Variants in OPN1SW observed in about 807,000 individuals in gnomAD.
OPN1SW encodes the protein short-wave-sensitive opsin 1.
Under a neutral mutation model 31.9 loss-of-function variants are expected in OPN1SW, and 25 were observed. That is an observed-to-expected ratio of 0.78 (90% CI 0.57 to 1.09). The LOEUF (loss-of-function observed/expected upper bound fraction) is 1.09. Ranked by LOEUF, OPN1SW falls within the 50% of genes least tolerant of loss-of-function variation. The probability of loss-of-function intolerance (pLI) is 0.00; values close to 1 mark genes in which losing one functional copy is unlikely to be tolerated. For missense variants in OPN1SW, 424 were observed against 448.0 expected, an observed-to-expected ratio of 0.95 and a Z score of 0.48; for synonymous variants, 190 against 171.9, an observed-to-expected ratio of 1.11 and a Z score of -0.82.
At position 128,773,708 on chromosome 7, in the gene OPN1SW, A is replaced by T. The variant is rs907485626; in HGVS notation, c.859T>A (p.Phe287Ile). The T allele has an allele frequency of 1.2e-6, 2 of 1,614,260 alleles. No homozygotes were observed. The highest frequency in any genetic ancestry group is 1.7e-6 in the Non-Finnish European group (2 of 1,180,048). The part of the protein sequence containing the change: ...LDLRLVTIPS[F>I]FSKSACIYNP... ...TAGATGCAAGCACTCTTGGAGAAGA[A>T]TGAAGGAATGGTGACAAGCCGTAAG... Residue 287 changes from phenylalanine (F) to isoleucine (I), a missense_variant, in exon 4 of 5, where the codon TTC becomes ATC. Physicochemically the swap from Phe to Ile is conservative, Grantham distance 21. Transcript: ENST00000249389.
Position 128,773,892 on chromosome 7 carries a change from G to A in OPN1SW, c.679-4C>T. The A allele has an allele frequency of 6.2e-7, 1 of 1,609,626 alleles. No homozygotes were observed. The highest frequency in any genetic ancestry group is 8.5e-7 in the Non-Finnish European group (1 of 1,179,942). ...ACTCCTGCTGCTGAGCTGCAACCTG[G>A]GGTGGAGCACGGAAAGCATCACATC... On this transcript the variant is annotated splice_region_variant and splice_polypyrimidine_tract_variant and intron_variant, in intron 3 of 4. Coordinates refer to ENST00000249389, the MANE Select transcript of OPN1SW (RefSeq NM_001385125.1).
chr7:128,774,569 T>C lies in OPN1SW; in HGVS notation c.607A>G (p.Ile203Val). The stretch of plus-strand genomic sequence containing the variant: ...GAGAGAGGCACAATGAAGCAGAAGA[T>C]GAAGAGGAACCACGTATAGGACTCG... ...RSESYTWFLF[I>V]FCFIVPLSLI... is the part of the protein sequence containing the mutation. Residue 203 changes from isoleucine to valine, a missense_variant, in exon 3 of 5, where the codon ATC (isoleucine) becomes GTC (valine). Coordinates refer to ENST00000249389, the MANE Select transcript of OPN1SW (RefSeq NM_001385125.1). The C allele has an allele frequency of 6.2e-7, 1 of 1,614,108 alleles. No individual in the cohort carries two copies. The highest frequency in any genetic ancestry group is 8.5e-7 in the Non-Finnish European group (1 of 1,180,018).
chr7:128,773,127 C>T (rs1209553908), intron 4 of OPN1SW, among the ~76,000 whole-genome samples: 1 of 152,176 alleles, frequency 6.6e-6, no homozygotes, highest in East Asian at 1.9e-4. Context: ...TCCCCCAGTA[C>T]CTTCAGATGA....
At position 128,773,859 on chromosome 7, in the gene OPN1SW, C is replaced by G; in HGVS notation, c.708G>C (p.Thr236=). The change falls in exon 4 of 5, where the codon ACG becomes ACC. Residue 236 remains threonine, a synonymous_variant. Transcript: ENST00000249389. ...AVAAQQQESA[T]TQKAEREVSR... is the part of the protein sequence containing the mutation. The stretch of plus-strand genomic sequence containing the variant: ...TCACCTCCCGTTCAGCCTTCTGGGT[C>G]GTAGCTGACTCCTGCTGCTGAGCTG... 6.2e-7 allele frequency: 1 copy of G among 1,613,044 alleles called. No individual in the cohort carries two copies. The highest frequency in any genetic ancestry group is 8.5e-7 in the Non-Finnish European group (1 of 1,179,948).
chr7:128,772,632 A>C lies in OPN1SW; in HGVS notation c.946T>G (p.Cys316Gly), dbSNP rs946529537. Residue 316 changes from cysteine to glycine, a missense_variant, in exon 5 of 5, where the codon TGT (cysteine) becomes GGT (glycine). By Grantham distance (159) the Cys-to-Gly change is radical. Transcript: ENST00000249389. ...QFQACIMKMV[C>G]GKAMTDESDT... ...GATTCATCTGTCATGGCCTTCCCAC[A>C]CACCATCTTCATGATGCAAGCTTGG... The C allele has an allele frequency of 1.5e-5, 24 of 1,614,046 alleles. No individual in the cohort carries two copies. Among genetic ancestry groups the C allele is most frequent in the Non-Finnish European group, 1.9e-5 (23 of 1,180,020 alleles).
In OPN1SW at chr7:128,774,583, G is replaced by A. The variant is rs1041014166; in HGVS notation, c.593C>T (p.Thr198Met). Reference protein sequence around the residue: ...VGTKYRSESYTWFLFIFCFIV... With the variant: ...VGTKYRSESYMWFLFIFCFIV... The stretch of plus-strand genomic sequence containing the variant: ...GAAGCAGAAGATGAAGAGGAACCAC[G>A]TATAGGACTCGCTGCGGTATTTGGT... The change falls in exon 3 of 5, where the codon ACG becomes ATG. Residue 198 changes from threonine (T) to methionine (M), a missense_variant. Physicochemically the swap from Thr to Met is moderately conservative, Grantham distance 81. Transcript: ENST00000249389. The A allele has an allele frequency of 9.3e-6, 15 of 1,614,124 alleles. No homozygotes were observed. The highest frequency in any genetic ancestry group is 2.2e-5 in the East Asian group (1 of 44,880).
At chr7:128,774,467 C>G in intron 3 of OPN1SW, 31 bp downstream of exon 3, 1 of 1,612,802 alleles carries the variant, frequency 6.2e-7, no homozygotes, top group Non-Finnish European at 8.5e-7. Flanking sequence ...GCCCCGAACC[C>G]CTTCTTCCCT....
chr7:128,773,517 A>C, intron 4 of OPN1SW, 132 bp downstream of exon 4: 1 of 1,222,980 alleles, frequency 8.2e-7, no homozygotes, highest in Admixed American at 1.7e-5. Flanking sequence ...TTCCCAACCT[A>C]CTCGGGGGTT....
In OPN1SW at chr7:128,774,393, CCT is replaced by C. The variant is rs1801708020; in HGVS notation, c.678+103_678+104del. 2.8e-6 allele frequency: 4 copies of C among 1,452,152 alleles called. No homozygotes were observed. In the East Asian group the frequency reaches 9.1e-5, roughly 33 times the overall value. The allele number at this position is 1,452,152 out of a possible 1,614,324, so 90.0% of individuals were successfully genotyped here. A position where few individuals can be genotyped will look rare whatever the true frequency, so the allele number is the denominator to read the frequency against. On this transcript the variant is annotated intron_variant, in intron 3 of 4. Transcript: ENST00000249389. ...TACTTCCTTTGCTGCTTTTAGATAC[CCT>C]CTCTGGCTATGGACATTTCCAGGCA...
Position 128,775,168 on chromosome 7 carries a change from T to C in OPN1SW, c.344-14A>G. The C allele has an allele frequency of 6.2e-7, 1 of 1,613,552 alleles. No individual in the cohort carries two copies. The highest frequency in any genetic ancestry group is 8.5e-7 in the Non-Finnish European group (1 of 1,179,712). ...CTGTAACCAGACCTGTGGTGAAATG[T>C]GAGGATAATGGGCTAGACAGAGCCC... is the stretch of plus-strand genomic sequence containing the variant. On this transcript the variant is annotated splice_polypyrimidine_tract_variant and intron_variant, in intron 1 of 4. Transcript: ENST00000249389.
chr7:128,775,686 G>A lies in OPN1SW; in HGVS notation c.96C>T (p.Tyr32=), dbSNP rs745696804. Residue 32 remains tyrosine, a synonymous_variant, in exon 1 of 5, where the codon TAC becomes TAT. Coordinates refer to ENST00000249389, the MANE Select transcript of OPN1SW (RefSeq NM_001385125.1). ...CAGTGCCCATGAAAGCTGCCTGGAG[G>A]TAGAAGGCCCAGACAGGGGCAATGT... is the stretch of plus-strand genomic sequence containing the variant. The part of the protein sequence containing the change: ...QYHIAPVWAF[Y]LQAAFMGTVF... 5.6e-6 allele frequency: 9 copies of A among 1,614,056 alleles called. No individual in the cohort carries two copies. Among genetic ancestry groups the A allele is most frequent in the East Asian group, 2.2e-5 (1 of 44,898 alleles).
intron 4 of OPN1SW, among the ~76,000 whole-genome samples, chr7:128,772,991 C>G (rs1184569362): frequency 1.3e-5 from 2 of 152,214 alleles, no homozygotes; most frequent in African/African-American, 4.8e-5. Context: ...TCTCTTCTAT[C>G]CAGGGAGGTT....
rs1269789258 is a variant in OPN1SW, at chr7:128,773,863, G to C, written c.704C>G (p.Ala235Gly). 6.2e-7 allele frequency: 1 copy of C among 1,611,888 alleles called. No individual in the cohort carries two copies. The highest frequency in any genetic ancestry group is 8.5e-7 in the Non-Finnish European group (1 of 1,179,994). The change falls in exon 4 of 5, where the codon GCT (alanine) becomes GGT (glycine). Residue 235 changes from alanine to glycine, a missense_variant. Ala to Gly is a moderately conservative substitution (Grantham distance 60). Transcript: ENST00000249389. ...KAVAAQQQES[A>G]TTQKAEREVS... ...CTCCCGTTCAGCCTTCTGGGTCGTA[G>C]CTGACTCCTGCTGCTGAGCTGCAAC...
Position 128,775,769 on chromosome 7 carries a change from C to A in OPN1SW, c.13G>T (p.Glu5Ter), listed in dbSNP as rs978760053. The change falls in exon 1 of 5, where the codon GAG becomes TAG. Residue 5 changes from glutamate (E) to a stop codon, truncating the protein, a stop_gained. Transcript: ENST00000249389. LOFTEE classifies it high-confidence loss of function. MSEE[E>*]FYLFKNISSV... ...GAGATATTTTTGAACAGATAAAACT[C>A]TTCCTCCGACATTTTTCTCATGGAT... 6.2e-7 allele frequency: 1 copy of A among 1,614,128 alleles called. No homozygotes were observed. The highest frequency in any genetic ancestry group is 2.2e-5 in the East Asian group (1 of 44,886).
At chr7:128,772,837 T>A (rs779623213) in intron 4 of OPN1SW, among the ~76,000 whole-genome samples, 178 bp from the exon 5 acceptor site, 1 of 152,208 alleles carries the variant, frequency 6.6e-6, no homozygotes, top group Non-Finnish European at 1.5e-5. Context: ...CTAGAACTAC[T>A]CCTGGGTCTA....
intron 4 of OPN1SW, among the ~76,000 whole-genome samples, chr7:128,773,288 T>A (rs865904747): frequency 3.9e-5 from 6 of 152,220 alleles, no homozygotes; most frequent in African/African-American, 9.6e-5. Flanking sequence ...TTTATTTTTT[T>A]AATTTTATTT....
rs900922314 is a variant in OPN1SW at position 128,775,471 on chromosome 7, C to G, written c.311G>C (p.Cys104Ser). The change falls in exon 1 of 5, where the codon TGT becomes TCT. Residue 104 changes from cysteine (C) to serine (S), a missense_variant. Physicochemically the swap from Cys to Ser is moderately radical, Grantham distance 112 (BLOSUM62 -1). Transcript: ENST00000249389. ...AGTGCCCAGGAAGCCCTCCAAAGCA[C>G]AAACATGGCGACCGAAGACGAAGTA... Reference protein sequence around the residue: ...NGYFVFGRHVCALEGFLGTVA... With the variant: ...NGYFVFGRHVSALEGFLGTVA... 1 of 1,613,744 alleles carries G rather than the reference C, an allele frequency of 6.2e-7. No individual in the cohort carries two copies. The highest frequency in any genetic ancestry group is 1.3e-5 in the African/African-American group (1 of 74,892).
rs1801719455 is a variant in OPN1SW, at chr7:128,774,666, G to A, written c.513-3C>T. 1.2e-6 allele frequency: 2 copies of A among 1,614,112 alleles called. No individual in the cohort carries two copies. The highest frequency in any genetic ancestry group is 1.3e-5 in the African/African-American group (1 of 75,032). Reference sequence around the variant, plus strand: ...ACTGCAGGCCCTCAGGGATGAACCTGCAAAGGACCAAACACTTGCTCACTG... The same window carrying A: ...ACTGCAGGCCCTCAGGGATGAACCTACAAAGGACCAAACACTTGCTCACTG... On this transcript the variant is annotated splice_polypyrimidine_tract_variant and splice_region_variant and intron_variant, in intron 2 of 4. Transcript: ENST00000249389.
At position 128,775,026 on chromosome 7, in the gene OPN1SW, C is replaced by T; in HGVS notation, c.472G>A (p.Gly158Ser). Residue 158 changes from glycine to serine, a missense_variant, in exon 2 of 5, where the codon GGT (glycine) becomes AGT (serine). Transcript: ENST00000249389. ...LTVVLATWTI[G>S]IGVSIPPFFG... ...AAGGGTGGGATGGAGACGCCAATAC[C>T]AATGGTCCAGGTAGCCAGGACCACC... The T allele has an allele frequency of 6.2e-6, 10 of 1,614,202 alleles. No homozygotes were observed. The highest frequency in any genetic ancestry group is 8.5e-6 in the Non-Finnish European group (10 of 1,180,050).
Sources: gnomAD v4.1 joint callset for allele counts (sites outside exome capture counted in the v4.1 genomes callset) on GRCh38, gnomAD v4.1.1 for gene constraint, MANE v1.5 for transcripts, NCBI Gene and HGNC (gene_info 2026-07-23, HGNC 2026-07-21) for gene names.